Variants in WDR45B observed in about 807,000 individuals in gnomAD.
The protein encoded by WDR45B is WD repeat domain 45B.
WDR45B carries 20 observed loss-of-function variants against 44.6 expected under a neutral mutation model. The ratio of observed to expected loss-of-function variants is 0.45; its 90% CI spans 0.32 to 0.65. The LOEUF (loss-of-function observed/expected upper bound fraction) is 0.65. Ranked by LOEUF, WDR45B falls within the 30% of genes least tolerant of loss-of-function variation. The pLI, the probability that WDR45B is intolerant of heterozygous loss-of-function variation, is 0.05. For missense variants in WDR45B, 323 were observed against 430.2 expected (o/e 0.75, Z 2.20); for synonymous variants, 169 against 164.9 (o/e 1.02, Z -0.19).
intron 9 of WDR45B, 127 bp downstream of exon 9, chr17:82,616,397 G>A: frequency 6.8e-7 from 1 of 1,464,332 alleles, no homozygotes; most frequent in Non-Finnish European, 9.5e-7. Context: ...GAGAAATAAG[G>A]GGAACTGGGC....
At chr17:82,623,092 C>A (rs1218094304) in intron 5 of WDR45B, among the ~76,000 whole-genome samples, 1 of 152,134 alleles carries the variant, frequency 6.6e-6, no homozygotes. Flanking sequence ...AAATCTACAA[C>A]ATATAAAGAA....
intron 2 of WDR45B, chr17:82,636,622 T>C (rs1321142462): frequency 6.6e-6 from 1 of 152,074 alleles, no homozygotes; most frequent in African/African-American, 2.4e-5. Context: ...TTACAAAGGA[T>C]ATTCGTTGTT....
intron 2 of WDR45B, among the ~76,000 whole-genome samples, chr17:82,641,501 A>C (rs909923738): frequency 1.3e-5 from 2 of 152,166 alleles, no homozygotes; most frequent in East Asian, 3.9e-4. Flanking sequence ...GGCAGAACTC[A>C]AATCTTCTCC....
In WDR45B at chr17:82,631,125, A is replaced by AT; in HGVS notation, c.143-104dup. On this transcript the variant is annotated intron_variant, in intron 2 of 9. Coordinates refer to ENST00000392325, the MANE Select transcript of WDR45B (RefSeq NM_019613.4). The stretch of plus-strand genomic sequence containing the variant: ...AAGACAGGTAACGCAGCAATTTTCT[A>AT]TTTTTTGTAAGAGACAAGATCTCAC... The AT allele has an allele frequency of 2.6e-6, 3 of 1,165,950 alleles. No homozygotes were observed. The East Asian group carries it at 7.7e-5, about 30-fold the overall frequency. The allele number at this position is 1,165,950 out of a possible 1,614,324, so 72.2% of individuals were successfully genotyped here. A position where few individuals can be genotyped will look rare whatever the true frequency, so the allele number is the denominator to read the frequency against.
intron 4 of WDR45B, among the ~76,000 whole-genome samples, chr17:82,626,292 C>T (rs1050171847): frequency 7.3e-5 from 11 of 151,302 alleles, no homozygotes; most frequent in Admixed American, 5.3e-4. Context: ...AATCCCAGCA[C>T]TTTGGGAGGC....
intron 2 of WDR45B, among the ~76,000 whole-genome samples, chr17:82,637,984 G>A (rs1396354151): frequency 6.6e-6 from 1 of 151,038 alleles, no homozygotes; most frequent in Admixed American, 6.6e-5. Flanking sequence ...GACCAGCCTG[G>A]TCAACGTGGT....
chr17:82,635,362 A>G (rs1487051626), intron 2 of WDR45B, among the ~76,000 whole-genome samples: 2 of 151,738 alleles, frequency 1.3e-5, no homozygotes, highest in African/African-American at 4.9e-5. Flanking sequence ...CCTTTTATAA[A>G]CTACATGATC....
At chr17:82,617,259 C>G (rs750571418) in intron 8 of WDR45B, 37 bp downstream of exon 8, 2 of 1,595,470 alleles carry the variant, frequency 1.3e-6, no homozygotes, top group South Asian at 2.2e-5. Flanking sequence ...CTCCTCTCAT[C>G]CCCCGGCTTT....
At chr17:82,622,076 A>T (rs891388810) in intron 5 of WDR45B, among the ~76,000 whole-genome samples, 8 of 152,202 alleles carry the variant, frequency 5.3e-5, no homozygotes, top group African/African-American at 1.9e-4. Flanking sequence ...AATGCAATGC[A>T]AAATTAACGA....
At chr17:82,624,089 C>T (rs1178793080) in intron 5 of WDR45B, among the ~76,000 whole-genome samples, 1 of 152,082 alleles carries the variant, frequency 6.6e-6, no homozygotes, top group Non-Finnish European at 1.5e-5. Context: ...AAACTACCCA[C>T]ACAAAGGCTG....
chr17:82,629,699 C>T lies in WDR45B; in HGVS notation c.244+1222G>A, dbSNP rs957205236. On this transcript the variant is annotated intron_variant, in intron 3 of 9. Transcript: ENST00000392325. Reference sequence around the variant, plus strand: ...ACCCGAGTGTGGTCTCTCTTCCGCACATTCACGTTCACGCAGTTCACGGGG... The same window carrying T: ...ACCCGAGTGTGGTCTCTCTTCCGCATATTCACGTTCACGCAGTTCACGGGG... The T allele has an allele frequency of 3.0e-6, 3 of 984,946 alleles. No homozygotes were observed. The African/African-American group carries it at 5.3e-5, about 17-fold the overall frequency. The allele number at this position is 984,946 out of a possible 1,614,324, so 61.0% of individuals were successfully genotyped here.
chr17:82,619,011 T>C, intron 7 of WDR45B, 32 bp downstream of exon 7: 4 of 1,609,138 alleles, frequency 2.5e-6, no homozygotes, highest in Non-Finnish European at 3.4e-6. Flanking sequence ...CAGCCCGAAG[T>C]TCTTCTCCGG....
chr17:82,645,206 G>A (rs2045960756), intron 1 of WDR45B, among the ~76,000 whole-genome samples: 1 of 151,760 alleles, frequency 6.6e-6, no homozygotes, highest in African/African-American at 2.4e-5. Context: ...GCTGAGACAG[G>A]AGAATCACTT....
intron 2 of WDR45B, among the ~76,000 whole-genome samples, chr17:82,635,334 C>T (rs756841236): frequency 1.3e-5 from 2 of 151,446 alleles, no homozygotes; most frequent in African/African-American, 2.4e-5. Context: ...ACTATTTAAC[C>T]GAGAGACAAT....
chr17:82,636,383 G>A (rs1301920628), intron 2 of WDR45B: 1 of 151,764 alleles, frequency 6.6e-6, no homozygotes, highest in Non-Finnish European at 1.5e-5. Context: ...ATCAAGTGAA[G>A]AGGCAGAGAA....
At chr17:82,620,694 T>G (rs2143261229) in intron 6 of WDR45B, among the ~76,000 whole-genome samples, 1 of 152,342 alleles carries the variant, frequency 6.6e-6, no homozygotes, top group South Asian at 2.1e-4. Context: ...ACACCGGGTT[T>G]GCAGTCTTCA....
chr17:82,617,932 CTTTTT>C (rs896081781), intron 7 of WDR45B, among the ~76,000 whole-genome samples: 7 of 143,688 alleles, frequency 4.9e-5, no homozygotes, highest in Non-Finnish European at 7.7e-5. Flanking sequence ...CATTTTCTTT[CTTTTT>C]TTTTTTTTTG....
chr17:82,625,695 C>T, intron 4 of WDR45B: 1 of 568,064 alleles, frequency 1.8e-6, no homozygotes, highest in African/African-American at 1.9e-5. Flanking sequence ...GGGAGTGCTT[C>T]TCGCCTGGGT....
chr17:82,633,866 A>C lies in WDR45B; in HGVS notation c.143-2844T>G, dbSNP rs569025809. Among the ~76,000 whole-genome samples, 10 of 152,116 alleles carry C rather than the reference A, an allele frequency of 6.6e-5. No homozygotes were observed. In the South Asian group the frequency reaches 1.7e-3, roughly 25 times the overall value. On this transcript the variant is annotated intron_variant, in intron 2 of 9. Coordinates refer to ENST00000392325, the MANE Select transcript of WDR45B (RefSeq NM_019613.4). Reference sequence around the variant, plus strand: ...GCTCCCTCAATTAAAAAATAATAAAAAGGCCAGGCGTGGTGGCTCATGCCT... The same window carrying C: ...GCTCCCTCAATTAAAAAATAATAAACAGGCCAGGCGTGGTGGCTCATGCCT...
Sources: gnomAD v4.1 joint callset for allele counts (sites outside exome capture counted in the v4.1 genomes callset) on GRCh38, gnomAD v4.1.1 for gene constraint, MANE v1.5 for transcripts, NCBI Gene and HGNC (gene_info 2026-07-23, HGNC 2026-07-21) for gene names.